Variants in MKLN1 observed in about 807,000 individuals in gnomAD.
MKLN1 encodes the protein muskelin 1.
MKLN1 carries 18 observed loss-of-function variants against 99.0 expected under a neutral mutation model. The ratio of observed to expected loss-of-function variants is 0.18; its 90% CI spans 0.13 to 0.27. The LOEUF is 0.27. MKLN1 is among the 10% of genes least tolerant of loss of function. The pLI, the probability that MKLN1 is intolerant of heterozygous loss-of-function variation, is 1.00. For synonymous variants in MKLN1, 288 were observed against 293.2 expected (o/e 0.98, Z 0.18); for missense variants, 621 against 875.9 (o/e 0.71, Z 3.67).
At chr7:131,399,169 CTGT>C (rs1158748058) in intron 5 of MKLN1, 69 bp from the exon 6 acceptor site, 3 of 1,294,646 alleles carry the variant, frequency 2.3e-6, no homozygotes. Context: ...GTTATTTTTA[CTGT>C]TGTTATTGTT....
chr7:131,364,826 T>C (rs1378193206), intron 1 of MKLN1, among the ~76,000 whole-genome samples: 1 of 152,184 alleles, frequency 6.6e-6, no homozygotes, highest in Non-Finnish European at 1.5e-5. Flanking sequence ...ATGGTGCATA[T>C]GTACCACATT....
intron 1 of MKLN1, among the ~76,000 whole-genome samples, chr7:131,370,705 T>TA (rs1363284778): frequency 6.6e-6 from 1 of 152,110 alleles, no homozygotes; most frequent in Non-Finnish European, 1.5e-5. Context: ...TTCTCACCTT[T>TA]AGGGCAGGTT....
At position 131,244,910 on chromosome 7, in the gene MKLN1, C is replaced by T. The variant is rs73726317; in HGVS notation, c.-179+41936C>T. On this transcript the variant is annotated intron_variant, in intron 3 of 7. Coordinates refer to the MKLN1 transcript ENST00000416992. ...TGGAAAGGCAGGGAAAAGAGCGACA[C>T]CCCTACACGGCGGCACCCTTTCCTC... Among the ~76,000 whole-genome samples the T allele has an allele frequency of 6.8e-3, 1,031 of 152,228 alleles. 14 individuals are homozygous for T. Among genetic ancestry groups the T allele is most frequent in the African/African-American group, 0.024 (979 of 41,526 alleles).
At chr7:131,181,138 T>A in intron 2 of MKLN1, among the ~76,000 whole-genome samples, 1 of 152,174 alleles carries the variant, frequency 6.6e-6, no homozygotes, top group East Asian at 1.9e-4. Context: ...CAGAGCATGG[T>A]GTCACAGGAA....
At chr7:131,312,222 C>T (rs1317094139) in intron 3 of MKLN1, among the ~76,000 whole-genome samples, 1 of 152,116 alleles carries the variant, frequency 6.6e-6, no homozygotes, top group Non-Finnish European at 1.5e-5. Flanking sequence ...GGTGTTTCAC[C>T]ATGTTGGCCA....
chr7:131,262,865 G>T (rs897308347), intron 3 of MKLN1, among the ~76,000 whole-genome samples: 12 of 152,116 alleles, frequency 7.9e-5, no homozygotes, highest in African/African-American at 2.9e-4. Flanking sequence ...TGTTTCTTAA[G>T]GCTCTTTATT....
intron 4 of MKLN1, among the ~76,000 whole-genome samples, chr7:131,392,187 G>A (rs1794214336): frequency 6.6e-6 from 1 of 152,174 alleles, no homozygotes. Context: ...TCAGGGGTAG[G>A]TGAGGGCAAA....
chr7:131,190,597 A>G lies in MKLN1; in HGVS notation c.-296-12260A>G, dbSNP rs573447471. ...CTTTTGGTAATTTTCTTCTTTAACA[A>G]TAATTTATGATCATTGTAACACTAC... On this transcript the variant is annotated intron_variant, in intron 2 of 7. Coordinates refer to the MKLN1 transcript ENST00000416992. Among the ~76,000 whole-genome samples the G allele has an allele frequency of 2.6e-4, 39 of 152,198 alleles. 1 individual carries two copies. The highest frequency in any genetic ancestry group is 8.4e-4 in the African/African-American group (35 of 41,512).
chr7:131,445,660 T>G, intron 11 of MKLN1, 114 bp from the exon 12 acceptor site: 1 of 789,054 alleles, frequency 1.3e-6, no homozygotes, highest in Non-Finnish European at 1.9e-6. Flanking sequence ...TAGTACTCCA[T>G]TGGGATCTGT....
At chr7:131,376,250 C>T (rs1301130737) in intron 2 of MKLN1, among the ~76,000 whole-genome samples, 2 of 148,734 alleles carry the variant, frequency 1.3e-5, no homozygotes, top group African/African-American at 5.0e-5. Flanking sequence ...TTTTGGGAGC[C>T]GCAGTGGCTC....
chr7:131,389,013 A>G (rs1283684357), intron 4 of MKLN1, 41 bp downstream of exon 4: 2 of 1,379,616 alleles, frequency 1.4e-6, no homozygotes, highest in Admixed American at 1.9e-5. Flanking sequence ...AATTCTTGAT[A>G]TCATCAGTCA....
chr7:131,447,978 C>T (rs1796063836), intron 12 of MKLN1, among the ~76,000 whole-genome samples: 1 of 152,218 alleles, frequency 6.6e-6, no homozygotes, highest in South Asian at 2.1e-4. Context: ...CCTGTAATCC[C>T]AGCAGTTTGG....
intron 2 of MKLN1, among the ~76,000 whole-genome samples, chr7:131,184,522 C>CAGT (rs1183943490): frequency 6.8e-6 from 1 of 147,886 alleles, no homozygotes; most frequent in Non-Finnish European, 1.5e-5. Flanking sequence ...AAATGACTGG[C>CAGT]AGTAATACTT....
intron 2 of MKLN1, among the ~76,000 whole-genome samples, chr7:131,376,858 T>C (rs759932523): frequency 3.4e-4 from 52 of 152,054 alleles, no homozygotes; most frequent in Non-Finnish European, 5.7e-4. Flanking sequence ...TCCATAGATA[T>C]AGCATATAAA....
At position 131,340,557 on chromosome 7, in the gene MKLN1, G is replaced by A. The variant is rs543383803; in HGVS notation, c.98+12560G>A. On this transcript the variant is annotated intron_variant, in intron 1 of 17. Transcript: ENST00000352689. ...GCCTCCCAAAGTGCTGGGATTACAG[G>A]CGTGAGCCACCGTGCCCGGCTTCCT... 1.9e-4 allele frequency among the ~76,000 whole-genome samples: 29 copies of A among 152,202 alleles called. No individual in the cohort carries two copies. In the East Asian group the frequency reaches 3.7e-3, roughly 19 times the overall value.
At chr7:131,148,371 A>G (rs544227827) in intron 2 of MKLN1, among the ~76,000 whole-genome samples, 1 of 152,248 alleles carries the variant, frequency 6.6e-6, no homozygotes, top group East Asian at 1.9e-4. Flanking sequence ...GAAACAAGTT[A>G]AATTCAATAC....
chr7:131,339,212 C>T (rs1799335928), intron 1 of MKLN1, among the ~76,000 whole-genome samples: 1 of 152,156 alleles, frequency 6.6e-6, no homozygotes, highest in South Asian at 2.1e-4. Flanking sequence ...CGCCCCTAGG[C>T]CCCACATTGT....
intron 2 of MKLN1, among the ~76,000 whole-genome samples, chr7:131,170,037 C>T (rs1309881362): frequency 6.6e-6 from 1 of 152,096 alleles, no homozygotes; most frequent in Non-Finnish European, 1.5e-5. Context: ...CTATAGTGAG[C>T]TACGATCATG....
chr7:131,372,907 T>C (rs1157356758), intron 1 of MKLN1, among the ~76,000 whole-genome samples: 1 of 151,926 alleles, frequency 6.6e-6, no homozygotes, highest in Non-Finnish European at 1.5e-5. Context: ...CTTTGCTCCC[T>C]TCCCTACCTT....
Sources: gnomAD v4.1 joint callset for allele counts (sites outside exome capture counted in the v4.1 genomes callset) on GRCh38, gnomAD v4.1.1 for gene constraint, MANE v1.5 for transcripts, NCBI Gene and HGNC (gene_info 2026-07-23, HGNC 2026-07-21) for gene names.